YES1: variants seen among roughly 807,000 people sequenced by gnomAD.
The protein encoded by YES1 is YES proto-oncogene 1, Src family tyrosine kinase.
In YES1, 39 loss-of-function variants were observed where a neutral mutation model predicts 70.4. The ratio of observed to expected loss-of-function variants is 0.55; its 90% CI spans 0.43 to 0.72. The LOEUF is 0.72. Ranked by LOEUF, YES1 falls within the 30% of genes least tolerant of loss-of-function variation. The pLI, the probability that YES1 is intolerant of heterozygous loss-of-function variation, is 0.00. For missense variants in YES1, 495 were observed against 644.8 expected (o/e 0.77, Z 2.52); for synonymous variants, 198 against 218.6 (o/e 0.91, Z 0.83).
intron 3 of YES1, among the ~76,000 whole-genome samples, chr18:750,602 T>C (rs1568195905): frequency 6.6e-6 from 1 of 152,140 alleles, no homozygotes; most frequent in Non-Finnish European, 1.5e-5. Context: ...TCTAAAAGAA[T>C]AACAAGCAAG....
intron 4 of YES1, among the ~76,000 whole-genome samples, chr18:746,424 T>C (rs183744689): frequency 1.7e-3 from 255 of 152,326 alleles, no homozygotes; most frequent in Admixed American, 3.1e-3. Context: ...AGCATCATCA[T>C]CTGCATTCAG....
At chr18:806,682 A>T (rs1023751496) in intron 1 of YES1, among the ~76,000 whole-genome samples, 2 of 152,242 alleles carry the variant, frequency 1.3e-5, no homozygotes, top group Admixed American at 1.3e-4. Context: ...GGAAAGAAAT[A>T]ATTACAGTGC....
chr18:746,182 G>A (rs1275148307), intron 4 of YES1, 131 bp from the exon 5 acceptor site: 2 of 641,290 alleles, frequency 3.1e-6, no homozygotes, highest in East Asian at 5.5e-5. Context: ...TCAAAATACA[G>A]GAAAATGTAA....
At chr18:772,986 A>G (rs1018240972) in intron 1 of YES1, among the ~76,000 whole-genome samples, 1 of 152,176 alleles carries the variant, frequency 6.6e-6, no homozygotes, top group African/African-American at 2.4e-5. Flanking sequence ...TGGTTTGGCT[A>G]TAGGCTGGTC....
Position 794,959 on chromosome 18 carries a change from G to A in YES1, c.-9+17155C>T, listed in dbSNP as rs1906463266. On this transcript the variant is annotated intron_variant, in intron 1 of 11. Transcript: ENST00000314574. ...GCCTCCCAAGTTGCTCGAACTACAG[G>A]CGCGTGCCACCATGCCTGGCTAATT... is the stretch of plus-strand genomic sequence containing the variant. Among the ~76,000 whole-genome samples, 3 of 152,254 alleles carry A rather than the reference G, an allele frequency of 2.0e-5. No individual in the cohort carries two copies. The South Asian group carries it at 6.2e-4, about 32-fold the overall frequency.
chr18:759,554 A>T (rs2145748495), intron 1 of YES1, among the ~76,000 whole-genome samples: 1 of 152,332 alleles, frequency 6.6e-6, no homozygotes, highest in East Asian at 1.9e-4. Context: ...CCATGGATTC[A>T]GCCAAGATTC....
chr18:760,219 C>T (rs992698994), intron 1 of YES1, among the ~76,000 whole-genome samples: 3 of 152,074 alleles, frequency 2.0e-5, no homozygotes, highest in African/African-American at 7.2e-5. Context: ...CCTGTCATCC[C>T]AGCACTTTGC....
At chr18:769,169 T>C (rs921988496) in intron 1 of YES1, among the ~76,000 whole-genome samples, 2 of 152,234 alleles carry the variant, frequency 1.3e-5, no homozygotes, top group Non-Finnish European at 2.9e-5. Flanking sequence ...GTAAGCACAC[T>C]GCATGATGTT....
At chr18:741,031 G>A (rs1165956988) in intron 8 of YES1, among the ~76,000 whole-genome samples, 1 of 151,536 alleles carries the variant, frequency 6.6e-6, no homozygotes, top group Non-Finnish European at 1.5e-5. Flanking sequence ...CCGAGCAGCT[G>A]GAACTACAGG....
Position 728,584 on chromosome 18 carries a change from T to C in YES1, c.1424-3952A>G, listed in dbSNP as rs1167868420. On this transcript the variant is annotated intron_variant, in intron 11 of 11. Transcript: ENST00000314574. ...CTCTGTTGCCCAAGCTGGAGTGCAG[T>C]AGTGCAATCTTGGCTCATTGCAACC... Among the ~76,000 whole-genome samples, 4 of 152,190 alleles carry C rather than the reference T, an allele frequency of 2.6e-5. No individual in the cohort carries two copies. The East Asian group carries it at 7.7e-4, about 29-fold the overall frequency.
intron 1 of YES1, among the ~76,000 whole-genome samples, chr18:763,784 T>A (rs1248746726): frequency 3.4e-5 from 5 of 148,810 alleles, no homozygotes; most frequent in African/African-American, 1.2e-4. Flanking sequence ...TGTATAAGTA[T>A]AATAATCAAG....
intron 1 of YES1, among the ~76,000 whole-genome samples, chr18:776,091 T>A (rs1318608005): frequency 6.6e-6 from 1 of 152,214 alleles, no homozygotes; most frequent in East Asian, 1.9e-4. Flanking sequence ...GGTCAAAGTG[T>A]TTGCACTGCT....
At chr18:751,954 G>A (rs1172932889) in intron 2 of YES1, 150 bp from the exon 3 acceptor site, 5 of 624,484 alleles carry the variant, frequency 8.0e-6, no homozygotes, top group Non-Finnish European at 1.4e-5. Flanking sequence ...AACTACTGAA[G>A]AATTTTAAAG....
intron 1 of YES1, among the ~76,000 whole-genome samples, chr18:773,561 A>T (rs572866283): frequency 6.6e-6 from 1 of 152,352 alleles, no homozygotes; most frequent in Non-Finnish European, 1.5e-5. Flanking sequence ...GACAGTGAGG[A>T]AAGACAGACA....
chr18:781,820 T>C (rs1302552355), intron 1 of YES1, among the ~76,000 whole-genome samples: 1 of 152,162 alleles, frequency 6.6e-6, no homozygotes, highest in Non-Finnish European at 1.5e-5. Context: ...TTAACTGATA[T>C]CATATGCAAA....
At chr18:768,453 AGT>A (rs2145772154) in intron 1 of YES1, among the ~76,000 whole-genome samples, 1 of 152,282 alleles carries the variant, frequency 6.6e-6, no homozygotes, top group African/African-American at 2.4e-5. Flanking sequence ...TTTTCCCAGC[AGT>A]GTTTTATAGT....
chr18:812,087 G>GC (rs1341914425), intron 1 of YES1, 27 bp downstream of exon 1: 6 of 153,324 alleles, frequency 3.9e-5, no homozygotes, highest in African/African-American at 1.4e-4. Flanking sequence ...GGAACCCTCC[G>GC]CCCGCGGGGC....
chr18:773,572 C>G (rs1905246065), intron 1 of YES1, among the ~76,000 whole-genome samples: 1 of 152,124 alleles, frequency 6.6e-6, no homozygotes, highest in Non-Finnish European at 1.5e-5. Flanking sequence ...AAGACAGACA[C>G]CAAGAAATGC....
chr18:746,609 G>A (rs928383578), intron 4 of YES1, among the ~76,000 whole-genome samples: 2 of 152,142 alleles, frequency 1.3e-5, no homozygotes, highest in Non-Finnish European at 2.9e-5. Flanking sequence ...AGAACAAAGA[G>A]TTATTGAGAC....
Sources: allele counts gnomAD v4.1 joint callset (sites outside exome capture counted in the v4.1 genomes callset), GRCh38; gene constraint gnomAD v4.1.1; transcripts MANE v1.5; gene names NCBI Gene and HGNC (gene_info 2026-07-23, HGNC 2026-07-21).